POLK: variants seen among roughly 807,000 people sequenced by gnomAD.
POLK encodes the protein DNA polymerase kappa.
POLK carries 76 observed loss-of-function variants against 94.0 expected under a neutral mutation model. The observed-to-expected ratio is 0.81, with a 90% confidence interval of 0.67 to 0.98. POLK has a LOEUF of 0.98. Ranked by LOEUF, POLK falls within the 50% of genes least tolerant of loss-of-function variation. The probability of loss-of-function intolerance (pLI) is 0.00; values close to 1 mark genes in which losing one functional copy is unlikely to be tolerated. For missense variants in POLK, 954 were observed against 1,010.1 expected, an observed-to-expected ratio of 0.94 and a Z score of 0.75; for synonymous variants, 349 against 325.4, an observed-to-expected ratio of 1.07 and a Z score of -0.78.
intron 6 of POLK, among the ~76,000 whole-genome samples, chr5:75,577,460 A>G (rs904248885): frequency 6.6e-6 from 1 of 152,204 alleles, no homozygotes; most frequent in Non-Finnish European, 1.5e-5. Flanking sequence ...TCAAGACTCC[A>G]GGGTTTTTTT....
rs764444292 is a variant in POLK, at chr5:75,584,832, C to G, written c.1132C>G (p.Gln378Glu). The change falls in exon 9 of 15, where the codon CAA becomes GAA. Residue 378 changes from glutamine (Q) to glutamate (E), a missense_variant. By Grantham distance (29) the Gln-to-Glu change is conservative (BLOSUM62 2). Coordinates refer to ENST00000241436, the Ensembl canonical transcript of POLK. Reference sequence around the variant, plus strand: ...AATTATTACATGTACAGAACTTTACCAACAGAGGGCATTGCTTTCTCTCCT... The same window carrying G: ...AATTATTACATGTACAGAACTTTACGAACAGAGGGCATTGCTTTCTCTCCT... The G allele has an allele frequency of 3.1e-6, 5 of 1,597,310 alleles. No individual in the cohort carries two copies. The South Asian group carries it at 4.4e-5, about 14-fold the overall frequency.
At chr5:75,520,939 C>G (rs5744550) in intron 1 of POLK, among the ~76,000 whole-genome samples, 3,587 of 152,182 alleles carry the variant, frequency 0.024, 139 homozygotes, top group African/African-American at 0.082. Context: ...AATGTCATCC[C>G]ACTCTCTCCT....
Position 75,560,479 on chromosome 5 carries a change from C to T in POLK, c.255+7888C>T, listed in dbSNP as rs186896175. ...ACTAATGAGTTGCAGTGCTAGGACC[C>T]GAACCAAAGCCGTTATTCTATTTTT... is the stretch of plus-strand genomic sequence containing the variant. On this transcript the variant is annotated intron_variant, in intron 3 of 14. Coordinates refer to ENST00000241436, the Ensembl canonical transcript of POLK. Among the ~76,000 whole-genome samples the T allele has an allele frequency of 4.0e-3, 606 of 152,132 alleles. 1 individual carries two copies. The highest frequency in any genetic ancestry group is 7.1e-3 in the South Asian group (34 of 4,808).
intron 4 of POLK, among the ~76,000 whole-genome samples, chr5:75,569,739 G>A (rs1051673966): frequency 2.0e-5 from 3 of 152,146 alleles, no homozygotes; most frequent in African/African-American, 4.8e-5. Flanking sequence ...GGAGGTGAGC[G>A]TCAGGCAAGC....
intron 5 of POLK, among the ~76,000 whole-genome samples, chr5:75,574,972 G>A (rs1481887434): frequency 6.6e-6 from 1 of 152,192 alleles, no homozygotes; most frequent in Non-Finnish European, 1.5e-5. Context: ...CAAAACTTCT[G>A]GCAGTATGCC....
chr5:75,529,942 A>G (rs1373833965), intron 1 of POLK, among the ~76,000 whole-genome samples: 1 of 152,186 alleles, frequency 6.6e-6, no homozygotes, highest in Non-Finnish European at 1.5e-5. Context: ...TTTGCAGTAA[A>G]TCTTAGTTGA....
exon 2 of POLK, chr5:75,547,033 C>A: frequency 6.6e-7 from 1 of 1,516,430 alleles, no homozygotes; most frequent in South Asian, 1.3e-5. Flanking sequence ...ATGGATAGCA[C>A]AAAGGAGAAG....
At chr5:75,533,536 C>T (rs1332602214) in intron 1 of POLK, among the ~76,000 whole-genome samples, 1 of 152,112 alleles carries the variant, frequency 6.6e-6, no homozygotes, top group Non-Finnish European at 1.5e-5. Context: ...CAGCTTTGTT[C>T]TTTTTGCTTA....
At chr5:75,569,551 G>C (rs1217666517) in intron 4 of POLK, 59 bp downstream of exon 4, 1 of 1,402,600 alleles carries the variant, frequency 7.1e-7, no homozygotes, top group Non-Finnish European at 9.8e-7. Flanking sequence ...AAGCTTTACT[G>C]TTTCATGAAG....
At chr5:75,533,750 T>C (rs1294310576) in intron 1 of POLK, among the ~76,000 whole-genome samples, 4 of 152,214 alleles carry the variant, frequency 2.6e-5, no homozygotes, top group Admixed American at 6.5e-5. Flanking sequence ...TTGTTTGTGT[T>C]ATCTCTGATT....
At chr5:75,595,757 A>C (rs1283405639) in intron 12 of POLK, among the ~76,000 whole-genome samples, 1 of 152,160 alleles carries the variant, frequency 6.6e-6, no homozygotes, top group Non-Finnish European at 1.5e-5. Context: ...AGGTTTATAG[A>C]TTGTAACAAA....
chr5:75,605,045 G>A (rs1056214101), downstream of POLK, among the ~76,000 whole-genome samples: 1 of 151,178 alleles, frequency 6.6e-6, no homozygotes. Context: ...TAATTCAGAG[G>A]CAAATGGTAC....
rs1445429521 is a variant in POLK, at chr5:75,511,920, T to C, written c.-14+6T>C. 1 of 1,202,664 alleles carries C rather than the reference T, an allele frequency of 8.3e-7. No individual in the cohort carries two copies. The highest frequency in any genetic ancestry group is 1.2e-6 in the Non-Finnish European group (1 of 862,224). The allele number at this position is 1,202,664 out of a possible 1,614,324, so 74.5% of individuals were successfully genotyped here. On this transcript the variant is annotated splice_donor_region_variant and intron_variant, in intron 1 of 14. Transcript: ENST00000241436. ...TCGCGATCCTGAGGTAACGGGTGAG[T>C]ATCCCGCGCGGGGATCGCTTGTCCC... is the stretch of plus-strand genomic sequence containing the variant.
intron 5 of POLK, 66 bp downstream of exon 5, chr5:75,573,935 TC>T (rs1282312956): frequency 6.6e-7 from 1 of 1,522,836 alleles, no homozygotes; most frequent in East Asian, 2.3e-5. Flanking sequence ...GAATCTCAAG[TC>T]CAAGTGCCTT....
At chr5:75,525,104 A>G (rs768344006) in intron 1 of POLK, among the ~76,000 whole-genome samples, 1 of 152,230 alleles carries the variant, frequency 6.6e-6, no homozygotes, top group Admixed American at 6.5e-5. Flanking sequence ...TAGCATTTAC[A>G]GTATCGAGGA....
chr5:75,604,328 T>G (rs535957425), downstream of POLK, among the ~76,000 whole-genome samples: 3 of 152,186 alleles, frequency 2.0e-5, no homozygotes, highest in East Asian at 5.8e-4. Context: ...TAAAAAAAAC[T>G]GTTTTTGAGG....
At chr5:75,568,999 G>A (rs1030326779) in intron 3 of POLK, among the ~76,000 whole-genome samples, 5 of 152,096 alleles carry the variant, frequency 3.3e-5, no homozygotes, top group African/African-American at 7.2e-5. Flanking sequence ...TGTGCCTAAG[G>A]GTATGGAGAG....
intron 8 of POLK, 107 bp from the exon 9 acceptor site, chr5:75,584,653 A>G (rs1772368226): frequency 1.5e-6 from 1 of 652,228 alleles, no homozygotes. Flanking sequence ...CTTGGGCAAC[A>G]AGAGCGAGAC....
rs532071890 is a variant in POLK at position 75,547,674 on chromosome 5, G to A, written c.135+517G>A. On this transcript the variant is annotated intron_variant, in intron 2 of 14. Transcript: ENST00000241436. ...TATGTGCAAGTATAACTGTGGAAGA[G>A]ATTCCTACAATGGAATTGTTTCACC... 3.0e-4 allele frequency among the ~76,000 whole-genome samples: 46 copies of A among 152,288 alleles called. 1 individual carries two copies. Among genetic ancestry groups the A allele is most frequent in the African/African-American group, 9.6e-4 (40 of 41,568 alleles).
Sources: gnomAD v4.1 joint callset for allele counts (sites outside exome capture counted in the v4.1 genomes callset) on GRCh38, gnomAD v4.1.1 for gene constraint, MANE v1.5 for transcripts, NCBI Gene and HGNC (gene_info 2026-07-23, HGNC 2026-07-21) for gene names.